The following CLIC4 variants were observed in gnomAD, a reference collection of about 807,000 sequenced individuals.
CLIC4 encodes CLIC family member 4.
CLIC4 carries 13 observed loss-of-function variants against 24.6 expected under a neutral mutation model. The ratio of observed to expected loss-of-function variants is 0.53; its 90% CI spans 0.34 to 0.84. The LOEUF (loss-of-function observed/expected upper bound fraction) is 0.84. Ranked by LOEUF, CLIC4 falls within the 40% of genes least tolerant of loss-of-function variation. The pLI, the probability that CLIC4 is intolerant of heterozygous loss-of-function variation, is 0.01. For synonymous variants in CLIC4, 104 were observed against 111.3 expected (o/e 0.93, Z 0.41); for missense variants, 227 against 301.7 (o/e 0.75, Z 1.83).
At chr1:24,785,152 T>G (rs899449234) in intron 1 of CLIC4, among the ~76,000 whole-genome samples, 2 of 151,892 alleles carry the variant, frequency 1.3e-5, no homozygotes, top group African/African-American at 4.8e-5. Flanking sequence ...TGGAAGATAT[T>G]TAGATTTTTT....
chr1:24,763,044 G>T (rs1056363094), intron 1 of CLIC4, among the ~76,000 whole-genome samples: 2 of 152,070 alleles, frequency 1.3e-5, no homozygotes, highest in Non-Finnish European at 2.9e-5. Flanking sequence ...TTGCTTCTTC[G>T]TATGAATTTT....
Position 24,841,045 on chromosome 1 carries a change from A to C in CLIC4, c.*108A>C. ...GAAATTGTATTTTGCACGAACATGC[A>C]GTTATTGAAGATTAGGATCAAGGAT... is the stretch of plus-strand genomic sequence containing the variant. On this transcript the variant is annotated 3_prime_UTR_variant, in exon 6 of 6. Transcript: ENST00000374379. The C allele has an allele frequency of 1.1e-6, 1 of 873,050 alleles. No homozygotes were observed. The highest frequency in any genetic ancestry group is 2.6e-5 in the East Asian group (1 of 38,266). 54.1% of individuals were successfully genotyped at this position (873,050 alleles called of 1,614,324 possible).
At chr1:24,758,270 C>G (rs1174102747) in intron 1 of CLIC4, among the ~76,000 whole-genome samples, 1 of 151,472 alleles carries the variant, frequency 6.6e-6, no homozygotes, top group Non-Finnish European at 1.5e-5. Flanking sequence ...ACTTATAACC[C>G]CTTGACTAGA....
chr1:24,817,231 AGATGAAGGT>A (rs1639680496), intron 3 of CLIC4, among the ~76,000 whole-genome samples: 1 of 151,942 alleles, frequency 6.6e-6, no homozygotes, highest in Non-Finnish European at 1.5e-5. Flanking sequence ...ATAGATCATC[AGATGAAGGT>A]GATGAAGGAA....
intron 1 of CLIC4, among the ~76,000 whole-genome samples, chr1:24,772,715 A>AC (rs2124103244): frequency 6.6e-6 from 1 of 152,236 alleles, no homozygotes; most frequent in Admixed American, 6.5e-5. Context: ...TGAACCCCTG[A>AC]CCTCATGATC....
chr1:24,797,971 G>A, intron 2 of CLIC4, 120 bp downstream of exon 2: 1 of 710,966 alleles, frequency 1.4e-6, no homozygotes, highest in Admixed American at 3.1e-5. Flanking sequence ...AGTTCTGCTG[G>A]TTTATGGACA....
At chr1:24,821,032 A>C (rs1346742782) in intron 3 of CLIC4, among the ~76,000 whole-genome samples, 1 of 152,038 alleles carries the variant, frequency 6.6e-6, no homozygotes, top group East Asian at 1.9e-4. Context: ...AAAAAATACA[A>C]AAATTAGCTG....
chr1:24,787,959 G>A (rs1169441254), intron 1 of CLIC4, among the ~76,000 whole-genome samples: 2 of 150,926 alleles, frequency 1.3e-5, no homozygotes, highest in Non-Finnish European at 2.9e-5. Flanking sequence ...AAGTTCAAGT[G>A]ATTCTCCTCC....
intron 3 of CLIC4, among the ~76,000 whole-genome samples, chr1:24,815,436 A>G (rs1426973491): frequency 6.6e-6 from 1 of 152,196 alleles, no homozygotes; most frequent in East Asian, 1.9e-4. Context: ...AGGGAGGCAG[A>G]GGTTGTAGTG....
intron 1 of CLIC4, among the ~76,000 whole-genome samples, chr1:24,755,606 C>T (rs956650766): frequency 2.7e-5 from 4 of 148,508 alleles, no homozygotes; most frequent in Non-Finnish European, 5.9e-5. Context: ...GAGATCCTAT[C>T]TCTTAAAAAA....
intron 1 of CLIC4, among the ~76,000 whole-genome samples, chr1:24,747,095 ATTTT>A (rs749648001): frequency 7.5e-5 from 9 of 120,220 alleles, no homozygotes; most frequent in Admixed American, 8.5e-5. Context: ...TCAATTTTCG[ATTTT>A]TTTTTTTTTT....
chr1:24,795,106 A>G (rs1463204214), intron 1 of CLIC4, among the ~76,000 whole-genome samples: 1 of 152,114 alleles, frequency 6.6e-6, no homozygotes, highest in East Asian at 1.9e-4. Flanking sequence ...GGGTGATGAA[A>G]TAATCTGTAC....
intron 3 of CLIC4, among the ~76,000 whole-genome samples, chr1:24,817,157 C>CT (rs1398113053): frequency 6.6e-6 from 1 of 152,136 alleles, no homozygotes; most frequent in Non-Finnish European, 1.5e-5. Context: ...CCACCTTCAT[C>CT]AATGATCTAT....
intron 5 of CLIC4, 140 bp downstream of exon 5, chr1:24,840,181 C>A: frequency 1.5e-6 from 1 of 684,628 alleles, no homozygotes; most frequent in Non-Finnish European, 2.4e-6. Context: ...ATAGTTGAAG[C>A]ACCCTAGAGT....
intron 1 of CLIC4, among the ~76,000 whole-genome samples, chr1:24,764,811 A>G (rs1217146695): frequency 6.6e-6 from 1 of 152,140 alleles, no homozygotes; most frequent in Non-Finnish European, 1.5e-5. Flanking sequence ...GTTTTTATTT[A>G]CTTTGTGTTT....
chr1:24,771,768 C>T, intron 1 of CLIC4: 1 of 421,712 alleles, frequency 2.4e-6, no homozygotes, highest in Non-Finnish European at 4.7e-6. Flanking sequence ...ACTAGCTACT[C>T]ACTATATAGC....
At chr1:24,812,363 A>G (rs1281567041) in intron 2 of CLIC4, among the ~76,000 whole-genome samples, 1 of 152,188 alleles carries the variant, frequency 6.6e-6, no homozygotes, top group African/African-American at 2.4e-5. Flanking sequence ...GGAAAGAAAT[A>G]GCACCAGAAT....
At chr1:24,781,132 G>T in intron 1 of CLIC4, among the ~76,000 whole-genome samples, 1 of 119,720 alleles carries the variant, frequency 8.4e-6, no homozygotes, top group African/African-American at 3.1e-5. Context: ...ACAGGTAACT[G>T]AATTTTTTTT....
chr1:24,808,277 G>A (rs6686737), intron 2 of CLIC4, among the ~76,000 whole-genome samples: 3,056 of 152,184 alleles, frequency 0.02, 96 homozygotes, highest in African/African-American at 0.07. Context: ...ATGGGGGATT[G>A]GTTCAAGGAC....
Sources: gnomAD v4.1 joint callset for allele counts (sites outside exome capture counted in the v4.1 genomes callset) on GRCh38, gnomAD v4.1.1 for gene constraint, MANE v1.5 for transcripts, NCBI Gene and HGNC (gene_info 2026-07-23, HGNC 2026-07-21) for gene names.